The following SBNO2 variants were observed in gnomAD, a reference collection of about 807,000 sequenced individuals.
The protein encoded by SBNO2 is strawberry notch homolog 2, also known as protein strawberry notch homolog 2.
SBNO2 carries 89 observed loss-of-function variants against 146.3 expected under a neutral mutation model. That is an observed-to-expected ratio of 0.61 (90% CI 0.51 to 0.73). SBNO2 has a LOEUF of 0.73. SBNO2 is among the 30% of genes least tolerant of loss of function. The pLI, the probability that SBNO2 is intolerant of heterozygous loss-of-function variation, is 0.00. For missense variants in SBNO2, 2,092 were observed against 2,003.7 expected (o/e 1.04, Z -0.84); for synonymous variants, 1,147 against 892.6 (o/e 1.29, Z -5.08).
rs903067917 is a variant in SBNO2, at chr19:1,117,341, C to T, written c.1686G>A (p.Glu562=). ...KVRRLVELAR[E]ELARDKCVVI... The stretch of plus-strand genomic sequence containing the variant: ...CGCTCACCTTGTCTCGCGCCAGCTC[C>T]TCTCGGGCCAGCTCCACCAGCCGGC... The change falls in exon 15 of 32, where the codon GAG becomes GAA. Residue 562 remains glutamate (E), a synonymous_variant. Coordinates refer to ENST00000361757, the MANE Select transcript of SBNO2 (RefSeq NM_014963.3). 5.7e-6 allele frequency: 9 copies of T among 1,573,520 alleles called. 1 individual carries two copies. In the Admixed American group the frequency reaches 1.1e-4, roughly 19 times the overall value.
chr19:1,134,097 C>CTGGACCCACAGCTCATGGG (rs1430119399), intron 4 of SBNO2, among the ~76,000 whole-genome samples: 4 of 149,566 alleles, frequency 2.7e-5, no homozygotes, highest in South Asian at 2.1e-4. Context: ...TCATAGGCGC[C>CTGGACCCACAGCTCATGGG]TGGACCCACA....
chr19:1,163,656 C>T (rs758912979), intron 1 of SBNO2, among the ~76,000 whole-genome samples: 15 of 152,196 alleles, frequency 9.9e-5, no homozygotes, highest in African/African-American at 2.9e-4. Flanking sequence ...CAGAGGCCAC[C>T]GCTCCCGAGC....
chr19:1,132,737 C>T (rs186598082), intron 4 of SBNO2, among the ~76,000 whole-genome samples: 2 of 152,142 alleles, frequency 1.3e-5, no homozygotes, highest in African/African-American at 4.8e-5. Flanking sequence ...AGCAAAGTCC[C>T]CTCCCTGCTC....
chr19:1,164,701 G>GGAGGAGGAGGAGGAGGAACAGGAA (rs1459419345), intron 1 of SBNO2, among the ~76,000 whole-genome samples: 1 of 113,506 alleles, frequency 8.8e-6, no homozygotes, highest in African/African-American at 3.2e-5. Context: ...AGGAAGAACA[G>GGAGGAGGAGGAGGAGGAACAGGAA]GAGGAGGAGG....
chr19:1,149,347 C>CG, intron 3 of SBNO2, 22 bp downstream of exon 3: 1 of 1,547,928 alleles, frequency 6.5e-7, no homozygotes, highest in Non-Finnish European at 8.7e-7. Context: ...GGGGGCCAGG[C>CG]GGGGAGGGTC....
At position 1,113,523 on chromosome 19, in the gene SBNO2, C is replaced by A. The variant is rs776532196; in HGVS notation, c.2247+12G>T. On this transcript the variant is annotated intron_variant, in intron 19 of 31. Transcript: ENST00000361757. ...CCCGCCCACCACACTCCAGCTGCCA[C>A]GTCCCACCCACCTCCGCCACCCGCT... 1 of 1,586,568 alleles carries A rather than the reference C, an allele frequency of 6.3e-7. No individual in the cohort carries two copies. The highest frequency in any genetic ancestry group is 2.4e-5 in the East Asian group (1 of 41,916).
At chr19:1,139,328 G>A (rs1211267156) in intron 4 of SBNO2, among the ~76,000 whole-genome samples, 22 of 152,174 alleles carry the variant, frequency 1.4e-4, no homozygotes, top group Admixed American at 1.4e-3. Flanking sequence ...TGGGCGCCGG[G>A]GCAGGGGAGG....
chr19:1,119,878 G>A, intron 12 of SBNO2, 28 bp downstream of exon 12: 3 of 1,488,092 alleles, frequency 2.0e-6, no homozygotes, highest in Non-Finnish European at 2.7e-6. Context: ...TGCTGCGGGT[G>A]GGTCACGTGG....
chr19:1,112,730 G>T lies in SBNO2; in HGVS notation c.2379+88C>A, dbSNP rs1221546722. 6.8e-7 allele frequency: 1 copy of T among 1,473,548 alleles called. No homozygotes were observed. Among genetic ancestry groups the T allele is most frequent in the Non-Finnish European group, 9.0e-7 (1 of 1,108,790 alleles). 91.3% of individuals were successfully genotyped at this position (1,473,548 alleles called of 1,614,324 possible). ...CCTGGCACACACACACTCCAGAAGT[G>T]CGCGGGTCCACAGTCCCCGGGGACC... On this transcript the variant is annotated intron_variant, in intron 20 of 31. Coordinates refer to ENST00000361757, the MANE Select transcript of SBNO2 (RefSeq NM_014963.3). The surrounding 1 kb of genome is among the most constrained non-coding windows in gnomAD (Gnocchi z 5.9).
rs759125892 is a variant in SBNO2, at chr19:1,132,157, G to C, written c.280-4392C>G. On this transcript the variant is annotated intron_variant, in intron 4 of 31. Transcript: ENST00000361757. The stretch of plus-strand genomic sequence containing the variant: ...CATGGTCCCGGCGCTCGGGGGGCCA[G>C]GGGTCCCCCAGGAAGCGCTGCCCGG... The C allele has an allele frequency of 8.2e-6, 12 of 1,466,772 alleles. No individual in the cohort carries two copies. The East Asian group carries it at 2.9e-4, about 35-fold the overall frequency. The allele number at this position is 1,466,772 out of a possible 1,614,324, so 90.9% of individuals were successfully genotyped here.
intron 1 of SBNO2, among the ~76,000 whole-genome samples, chr19:1,164,431 G>A (rs1227722723): frequency 4.3e-4 from 63 of 146,738 alleles, no homozygotes; most frequent in African/African-American, 1.1e-3. Flanking sequence ...AGGAGGAGGA[G>A]GAGGAGGAGG....
chr19:1,150,534 G>T lies in SBNO2; in HGVS notation c.94-1092C>A, dbSNP rs932717753. 6.6e-6 allele frequency among the ~76,000 whole-genome samples: 1 copy of T among 151,866 alleles called. No homozygotes were observed. Among genetic ancestry groups the T allele is most frequent in the Non-Finnish European group, 1.5e-5 (1 of 67,890 alleles). ...CCGTCACGGACGCCCCCACGGTCAC[G>T]GGGGAGACCCTGCCGTCACGGACGC... On this transcript the variant is annotated intron_variant, in intron 2 of 31. Coordinates refer to ENST00000361757, the MANE Select transcript of SBNO2 (RefSeq NM_014963.3). This position sits in a 1 kb window ranked among gnomAD's most constrained non-coding sequence, Gnocchi z 6.2.
intron 9 of SBNO2, 29 bp downstream of exon 9, chr19:1,122,629 C>T (rs2079916186): frequency 6.6e-7 from 1 of 1,516,712 alleles, no homozygotes. Flanking sequence ...CACCCCCGCT[C>T]CCGCCCCCTG....
At chr19:1,165,499 C>T (rs117944120) in intron 1 of SBNO2, among the ~76,000 whole-genome samples, 4,481 of 152,230 alleles carry the variant, frequency 0.029, 90 homozygotes, top group Non-Finnish European at 0.046. Flanking sequence ...CAGTCCCGTA[C>T]CCTTGGACAG....
At chr19:1,147,674 C>T (rs1022218516) in intron 3 of SBNO2, among the ~76,000 whole-genome samples, 9 of 151,998 alleles carry the variant, frequency 5.9e-5, no homozygotes, top group Middle Eastern at 3.4e-3. Flanking sequence ...GCCTGGTGGG[C>T]GGGGGGACAT....
chr19:1,138,699 C>T (rs2080107667), intron 4 of SBNO2, among the ~76,000 whole-genome samples: 1 of 151,026 alleles, frequency 6.6e-6, no homozygotes, highest in Admixed American at 6.6e-5. Flanking sequence ...CTCCACGCCT[C>T]CATCACAGAC....
intron 5 of SBNO2, among the ~76,000 whole-genome samples, chr19:1,127,280 C>T (rs992376308): frequency 6.6e-5 from 10 of 152,192 alleles, no homozygotes; most frequent in African/African-American, 1.2e-4. Context: ...GCGGTGGACA[C>T]GGGGCAGGGT....
chr19:1,123,065 G>A lies in SBNO2; in HGVS notation c.629-20C>T, dbSNP rs544670564. The A allele has an allele frequency of 1.1e-5, 18 of 1,588,518 alleles. No homozygotes were observed. Among genetic ancestry groups the A allele is most frequent in the Middle Eastern group, 1.7e-4 (1 of 5,854 alleles). ...TCTTGGCTGGAGGAGCAAGGACGGA[G>A]GGCAAGGTAAAGGGTATGGCCAAGG... On this transcript the variant is annotated intron_variant, in intron 7 of 31. Transcript: ENST00000361757.
At chr19:1,123,910 G>C in intron 6 of SBNO2, 32 bp downstream of exon 6, 1 of 1,596,322 alleles carries the variant, frequency 6.3e-7, no homozygotes, top group Non-Finnish European at 8.6e-7. Context: ...TGAGAGGGCA[G>C]GGGAGGGAGC....
Sources: gnomAD v4.1 joint callset for allele counts (sites outside exome capture counted in the v4.1 genomes callset) on GRCh38, gnomAD v4.1.1 for gene constraint, Gnocchi (gnomAD v3.1) non-coding constraint, MANE v1.5 for transcripts, NCBI Gene and HGNC (gene_info 2026-07-23, HGNC 2026-07-21) for gene names.